Variants in ANKRD36 observed in about 807,000 individuals in gnomAD.
The protein encoded by ANKRD36 is ankyrin repeat domain-containing protein 36A.
A neutral mutation model predicts 278.1 loss-of-function variants in ANKRD36; 179 were observed. That is an observed-to-expected ratio of 0.64 (90% CI 0.57 to 0.73). The LOEUF (loss-of-function observed/expected upper bound fraction) is 0.73, where lower values mean the gene tolerates loss of function less well. Among genes scored for constraint, ANKRD36 ranks in the 30% least tolerant of loss-of-function variants. The pLI, the probability that ANKRD36 is intolerant of heterozygous loss-of-function variation, is 0.00. For synonymous variants in ANKRD36, 320 were observed against 641.1 expected (o/e 0.50, Z 7.57); for missense variants, 1,159 against 1,956.7 (o/e 0.59, Z 7.69).
intron 15 of ANKRD36, among the ~76,000 whole-genome samples, chr2:97,155,792 A>G (rs1352359366): frequency 6.8e-6 from 1 of 146,746 alleles, no homozygotes; most frequent in African/African-American, 2.4e-5. Context: ...ACTTGAAGCT[A>G]GAAAACCTAT....
chr2:97,191,244 T>A (rs1321613656), intron 36 of ANKRD36, 63 bp downstream of exon 36: 1 of 1,471,088 alleles, frequency 6.8e-7, no homozygotes, highest in Non-Finnish European at 9.1e-7. Context: ...TTCTCTTTCC[T>A]GAATGAATTG....
At chr2:97,194,074 G>A (rs1395551758) in intron 38 of ANKRD36, among the ~76,000 whole-genome samples, 2 of 151,544 alleles carry the variant, frequency 1.3e-5, no homozygotes, top group African/African-American at 4.8e-5. Flanking sequence ...TGGCAAGATT[G>A]GATGAAGAAA....
intron 6 of ANKRD36, among the ~76,000 whole-genome samples, chr2:97,133,638 A>G (rs1361720093): frequency 6.6e-6 from 1 of 152,016 alleles, no homozygotes; most frequent in South Asian, 2.1e-4. Flanking sequence ...TTTATATACT[A>G]TAATTCTGGA....
chr2:97,235,335 T>C (rs2073390167), intron 68 of ANKRD36, among the ~76,000 whole-genome samples: 1 of 150,338 alleles, frequency 6.7e-6, no homozygotes, highest in African/African-American at 2.5e-5. Flanking sequence ...ATGTGTTATC[T>C]ATTTCTGGAC....
chr2:97,176,693 G>A lies in ANKRD36; in HGVS notation c.1634-3045G>A, dbSNP rs529777971. Among the ~76,000 whole-genome samples, 12 of 151,190 alleles carry A rather than the reference G, an allele frequency of 7.9e-5. No individual in the cohort carries two copies. The East Asian group carries it at 9.8e-4, about 12-fold the overall frequency. On this transcript the variant is annotated intron_variant, in intron 22 of 75. Transcript: ENST00000420699. Reference sequence around the variant, plus strand: ...ACGATGTTAGCTGGTTATTTTGCTCGTTAGTTGATGCAGTTTCTTCCTAGT... The same window carrying A: ...ACGATGTTAGCTGGTTATTTTGCTCATTAGTTGATGCAGTTTCTTCCTAGT...
intron 14 of ANKRD36, among the ~76,000 whole-genome samples, chr2:97,153,128 C>T (rs1575010536): frequency 1.3e-5 from 2 of 152,308 alleles, no homozygotes; most frequent in Admixed American, 6.5e-5. Context: ...TGGAGAATAT[C>T]TAAATATAGT....
intron 67 of ANKRD36, among the ~76,000 whole-genome samples, chr2:97,232,094 C>T (rs1485524978): frequency 6.6e-6 from 1 of 151,932 alleles, no homozygotes; most frequent in Non-Finnish European, 1.5e-5. Flanking sequence ...TTCTTAGTTA[C>T]AATCCAGTGA....
chr2:97,203,976 G>A lies in ANKRD36; in HGVS notation c.2960-92G>A. The A allele has an allele frequency of 6.6e-6, 10 of 1,512,730 alleles. No homozygotes were observed. In the South Asian group the frequency reaches 1.2e-4, roughly 19 times the overall value. 93.7% of individuals were successfully genotyped at this position (1,512,730 alleles called of 1,614,324 possible). On this transcript the variant is annotated intron_variant, in intron 48 of 75. Coordinates refer to ENST00000420699, the MANE Select transcript of ANKRD36 (RefSeq NM_001354587.1). ...TCAAAGCATACGCTAATACAGGCAG[G>A]AGGACAGAGGCTGATGCTAACACTG...
chr2:97,145,703 T>G (rs2153455612), intron 10 of ANKRD36, among the ~76,000 whole-genome samples: 1 of 152,208 alleles, frequency 6.6e-6, no homozygotes, highest in East Asian at 1.9e-4. Context: ...TTTTTATACA[T>G]TTTGATTAGG....
At chr2:97,147,725 A>G (rs2044654000) in intron 11 of ANKRD36, among the ~76,000 whole-genome samples, 1 of 151,918 alleles carries the variant, frequency 6.6e-6, no homozygotes. Flanking sequence ...GAACCTAATG[A>G]AAGTGAATAA....
intron 22 of ANKRD36, among the ~76,000 whole-genome samples, chr2:97,176,950 C>A (rs2054447172): frequency 6.6e-6 from 1 of 151,724 alleles, no homozygotes; most frequent in South Asian, 2.1e-4. Context: ...CCCAAAATCT[C>A]CTTAAGCTGA....
intron 42 of ANKRD36, among the ~76,000 whole-genome samples, chr2:97,198,104 A>G (rs1430369620): frequency 6.6e-6 from 1 of 151,906 alleles, no homozygotes; most frequent in Non-Finnish European, 1.5e-5. Flanking sequence ...ACATGTGGGT[A>G]CATGTAGCAC....
chr2:97,174,193 A>T (rs1335142190), intron 22 of ANKRD36, among the ~76,000 whole-genome samples: 1 of 151,802 alleles, frequency 6.6e-6, no homozygotes, highest in Non-Finnish European at 1.5e-5. Context: ...GGACGAAGAG[A>T]CAGTGAGAAA....
At chr2:97,123,978 G>A (rs563033308) in intron 4 of ANKRD36, among the ~76,000 whole-genome samples, 15 of 109,870 alleles carry the variant, frequency 1.4e-4, no homozygotes, top group African/African-American at 4.2e-4. Flanking sequence ...TATATATAGT[G>A]TTTAATTAAA....
Position 97,127,106 on chromosome 2 carries a change from T to G in ANKRD36, c.771T>G (p.Tyr257Ter), listed in dbSNP as rs1265909824. The G allele has an allele frequency of 7.6e-7, 1 of 1,318,416 alleles. No individual in the cohort carries two copies. Among genetic ancestry groups the G allele is most frequent in the African/African-American group, 1.5e-5 (1 of 67,168 alleles). 81.7% of individuals were successfully genotyped at this position (1,318,416 alleles called of 1,614,324 possible). A position where few individuals can be genotyped will look rare whatever the true frequency, so the allele number is the denominator to read the frequency against. Residue 257 changes from tyrosine to a stop codon, truncating the protein, a stop_gained, in exon 6 of 76, where the codon TAT becomes TAG. Coordinates refer to ENST00000420699, the MANE Select transcript of ANKRD36 (RefSeq NM_001354587.1). LOFTEE classifies it high-confidence loss of function. ...DLIYEYERKR[Y>*]EDLPINSNPV... ...TTTATGAATACGAAAGAAAGAGATA[T>G]GAAGATCTTCCTATAAATAGCAATC...
At chr2:97,130,850 T>C (rs1380766470) in intron 6 of ANKRD36, among the ~76,000 whole-genome samples, 1 of 152,092 alleles carries the variant, frequency 6.6e-6, no homozygotes, top group East Asian at 1.9e-4. Flanking sequence ...CTATATATGA[T>C]TTTCTTTTAA....
chr2:97,157,698 C>T (rs1342409094), intron 15 of ANKRD36, among the ~76,000 whole-genome samples: 11 of 144,944 alleles, frequency 7.6e-5, no homozygotes, highest in Admixed American at 6.9e-5. Flanking sequence ...CATTTTTTCC[C>T]GCAGAAAGTA....
intron 34 of ANKRD36, among the ~76,000 whole-genome samples, 178 bp from the exon 35 acceptor site, chr2:97,190,800 A>T (rs959272219): frequency 3.3e-5 from 5 of 151,752 alleles, no homozygotes; most frequent in Non-Finnish European, 7.4e-5. Flanking sequence ...TGGAGCCTGT[A>T]TTCCCTTTTA....
intron 67 of ANKRD36, among the ~76,000 whole-genome samples, chr2:97,226,838 A>C (rs1214791944): frequency 6.6e-6 from 1 of 151,584 alleles, no homozygotes; most frequent in African/African-American, 2.4e-5. Flanking sequence ...GCAGCTTTCT[A>C]CATATGGCTA....
Sources: gnomAD v4.1 joint callset for allele counts (sites outside exome capture counted in the v4.1 genomes callset) on GRCh38, gnomAD v4.1.1 for gene constraint, MANE v1.5 for transcripts, NCBI Gene and HGNC (gene_info 2026-07-23, HGNC 2026-07-21) for gene names.